FAM171A1: variants seen among roughly 807,000 people sequenced by gnomAD.
FAM171A1 encodes family with sequence similarity 171 member A1.
In FAM171A1, 23 loss-of-function variants were observed where a neutral mutation model predicts 74.9. The ratio of observed to expected loss-of-function variants is 0.31; its 90% confidence interval spans 0.22 to 0.44. FAM171A1 has a LOEUF of 0.44. FAM171A1 is among the 20% of genes least tolerant of loss of function. FAM171A1 has a pLI of 1.00. For synonymous variants in FAM171A1, 527 were observed against 505.7 expected (o/e 1.04, Z -0.57); for missense variants, 1,162 against 1,159.2 (o/e 1.00, Z -0.03).
Position 15,279,007 on chromosome 10 carries a change from T to A in FAM171A1, c.326-3060A>T, listed in dbSNP as rs190998403. 4.4e-3 allele frequency among the ~76,000 whole-genome samples: 672 copies of A among 152,262 alleles called. 3 individuals are homozygous for A. The highest frequency in any genetic ancestry group is 0.014 in the African/African-American group (602 of 41,562). ...AAACCCGGGCTAGGGTTACACTCCA[T>A]GCCCTCCTAAACGAGGATGCCTGGG... On this transcript the variant is annotated intron_variant, in intron 2 of 7. Coordinates refer to ENST00000378116, the MANE Select transcript of FAM171A1 (RefSeq NM_001010924.2).
At chr10:15,339,607 T>C (rs998867987) in intron 1 of FAM171A1, among the ~76,000 whole-genome samples, 3 of 152,212 alleles carry the variant, frequency 2.0e-5, no homozygotes, top group Non-Finnish European at 4.4e-5. Flanking sequence ...ATCCACAGTA[T>C]TCACTGCTGC....
intron 1 of FAM171A1, among the ~76,000 whole-genome samples, chr10:15,309,097 CT>C (rs1835329440): frequency 6.6e-6 from 1 of 152,208 alleles, no homozygotes; most frequent in Non-Finnish European, 1.5e-5. Flanking sequence ...GAATATTCAG[CT>C]TTCTTGCTCA....
intron 5 of FAM171A1, chr10:15,241,568 C>T (rs1834364891): frequency 1.3e-5 from 2 of 152,124 alleles, no homozygotes; most frequent in Non-Finnish European, 2.9e-5. Context: ...TAATTTTCGA[C>T]CCATGAGATA....
intron 5 of FAM171A1, among the ~76,000 whole-genome samples, chr10:15,231,681 C>T (rs554787773): frequency 2.6e-5 from 4 of 152,122 alleles, no homozygotes; most frequent in South Asian, 2.1e-4. Context: ...GTGGCTGTAG[C>T]GGGTTCACTA....
chr10:15,366,367 A>C (rs1836062700), intron 1 of FAM171A1, among the ~76,000 whole-genome samples: 1 of 151,974 alleles, frequency 6.6e-6, no homozygotes, highest in Non-Finnish European at 1.5e-5. Flanking sequence ...CGATCCACCC[A>C]CCTCAGCTTC....
intron 1 of FAM171A1, among the ~76,000 whole-genome samples, chr10:15,286,951 AC>A (rs200286580): frequency 0.018 from 2,713 of 152,302 alleles, 33 homozygotes; most frequent in South Asian, 0.029. Context: ...GCTACTTCAT[AC>A]TATAGGAGAA....
intron 1 of FAM171A1, among the ~76,000 whole-genome samples, chr10:15,290,069 A>G (rs905053764): frequency 6.6e-6 from 1 of 152,206 alleles, no homozygotes; most frequent in Non-Finnish European, 1.5e-5. Flanking sequence ...CTCTACTAAA[A>G]ATACAAAAAT....
intron 1 of FAM171A1, among the ~76,000 whole-genome samples, chr10:15,309,121 T>G (rs1835329698): frequency 6.6e-6 from 1 of 152,258 alleles, no homozygotes; most frequent in South Asian, 2.1e-4. Context: ...TCTTACTATG[T>G]AATCTGTAAG....
chr10:15,310,458 G>C (rs1050418791), intron 1 of FAM171A1, among the ~76,000 whole-genome samples: 1 of 152,140 alleles, frequency 6.6e-6, no homozygotes, highest in Non-Finnish European at 1.5e-5. Context: ...TGAATGCAGA[G>C]TACCGTGACC....
chr10:15,343,179 C>T (rs1048658037), intron 1 of FAM171A1, among the ~76,000 whole-genome samples: 1 of 152,210 alleles, frequency 6.6e-6, no homozygotes, highest in Non-Finnish European at 1.5e-5. Context: ...CTGGACAACA[C>T]AGCAAGACCC....
chr10:15,338,230 C>T (rs1304027787), intron 1 of FAM171A1, among the ~76,000 whole-genome samples: 2 of 152,174 alleles, frequency 1.3e-5, no homozygotes, highest in African/African-American at 4.8e-5. Flanking sequence ...AATCTTAACA[C>T]TGGTGTCTCT....
chr10:15,222,683 G>A (rs970810240), intron 5 of FAM171A1, among the ~76,000 whole-genome samples: 2 of 152,218 alleles, frequency 1.3e-5, no homozygotes, highest in Non-Finnish European at 2.9e-5. Flanking sequence ...CACTTGGGTT[G>A]CTTCGAGGCC....
chr10:15,226,838 A>C (rs952132268), intron 5 of FAM171A1, among the ~76,000 whole-genome samples: 2 of 151,722 alleles, frequency 1.3e-5, no homozygotes, highest in African/African-American at 4.8e-5. Flanking sequence ...ACGTGTTATC[A>C]GTGTTCTGTT....
In FAM171A1 at chr10:15,213,925, G is replaced by A. The variant is rs750671974; in HGVS notation, c.1663C>T (p.Pro555Ser). 1 of 1,614,186 alleles carries A rather than the reference G, an allele frequency of 6.2e-7. No homozygotes were observed. The highest frequency in any genetic ancestry group is 8.5e-7 in the Non-Finnish European group (1 of 1,180,038). ...CAGCAGATTAACTGGCCGGGCCGTG[G>A]GAAGGACGTAGGTCTCTCGAGGTGA... ...VDHLERPTSF[P>S]RPGQLICCSS... The change falls in exon 8 of 8, where the codon CCA becomes TCA. Residue 555 changes from proline (P) to serine (S), a missense_variant. Coordinates refer to ENST00000378116, the MANE Select transcript of FAM171A1 (RefSeq NM_001010924.2). The surrounding 1 kb of genome is among the most constrained non-coding windows in gnomAD (Gnocchi z 6.8).
chr10:15,239,578 C>T (rs924570970), intron 5 of FAM171A1, among the ~76,000 whole-genome samples: 1 of 152,164 alleles, frequency 6.6e-6, no homozygotes, highest in Non-Finnish European at 1.5e-5. Flanking sequence ...GCTGGGATTA[C>T]AGGTGTAAGC....
chr10:15,234,194 ATG>A (rs1203568812), intron 5 of FAM171A1, among the ~76,000 whole-genome samples: 4 of 152,210 alleles, frequency 2.6e-5, no homozygotes, highest in South Asian at 2.1e-4. Context: ...TTAAAAAATC[ATG>A]TGTTAAGTGA....
chr10:15,357,711 T>G (rs1835949729), intron 1 of FAM171A1, among the ~76,000 whole-genome samples: 1 of 152,124 alleles, frequency 6.6e-6, no homozygotes, highest in Non-Finnish European at 1.5e-5. Context: ...GAGACACACT[T>G]TAAAAGGCAC....
chr10:15,361,892 T>A (rs530966099), intron 1 of FAM171A1, among the ~76,000 whole-genome samples: 1 of 152,322 alleles, frequency 6.6e-6, no homozygotes, highest in South Asian at 2.1e-4. Flanking sequence ...TGGAACTACC[T>A]GGGCCTTTTC....
At chr10:15,216,241 G>T in intron 6 of FAM171A1, 131 bp from the exon 7 acceptor site, 2 of 539,922 alleles carry the variant, frequency 3.7e-6, no homozygotes, top group Non-Finnish European at 6.4e-6. Context: ...AGAGGAAAAC[G>T]CCCTTGGATC....
Sources: allele counts gnomAD v4.1 joint callset (sites outside exome capture counted in the v4.1 genomes callset), GRCh38; gene constraint gnomAD v4.1.1; non-coding constraint Gnocchi (gnomAD v3.1); transcripts MANE v1.5; gene names NCBI Gene and HGNC (gene_info 2026-07-23, HGNC 2026-07-21).